ATP1B4: variants seen among roughly 807,000 people sequenced by gnomAD.
ATP1B4 encodes the protein ATPase Na+/K+ transporting family member beta 4, also known as protein ATP1B4.
Under a neutral mutation model 29.6 loss-of-function variants are expected in ATP1B4, and 32 were observed. The observed-to-expected ratio is 1.08, with a 90% CI of 0.82 to 1.45. The LOEUF (loss-of-function observed/expected upper bound fraction) is 1.45. Among genes scored for constraint, ATP1B4 ranks in the 40% most tolerant of loss-of-function variants. The pLI, the probability that ATP1B4 is intolerant of heterozygous loss-of-function variation, is 0.00. For synonymous variants in ATP1B4, 127 were observed against 102.1 expected, an observed-to-expected ratio of 1.24 and a Z score of -1.47; for missense variants, 323 against 276.2, an observed-to-expected ratio of 1.17 and a Z score of -1.20.
chrX:120,376,463 G>T, intron 6 of ATP1B4, 27 bp downstream of exon 6: 1 of 1,164,688 alleles, frequency 8.6e-7, no homozygotes. Context: ...AGTAAGCATT[G>T]TTAGCACATC....
Position 120,375,542 on chromosome X carries a change from C to A in ATP1B4, c.733C>A (p.Pro245Thr). The change falls in exon 5 of 8, where the codon CCC becomes ACC. Residue 245 changes from proline (P) to threonine (T), a missense_variant. Physicochemically the swap from Pro to Thr is conservative, Grantham distance 38. Coordinates refer to ENST00000218008, the MANE Select transcript of ATP1B4 (RefSeq NM_001142447.3). ...AACTTTTGGATACTCTACTGGACAGCCCTGCATCCTTCTAAAGATGAACCG... is the reference window on the plus strand; with the variant it reads ...AACTTTTGGATACTCTACTGGACAGACCTGCATCCTTCTAAAGATGAACCG... ...DPTFGYSTGQ[P>T]CILLKMNRIV... The A allele has an allele frequency of 1.7e-6, 2 of 1,206,149 alleles. No individual in the cohort carries two copies. The highest frequency in any genetic ancestry group is 2.2e-6 in the Non-Finnish European group (2 of 893,589).
intron 7 of ATP1B4, among the ~76,000 whole-genome samples, chrX:120,379,109 T>C (rs1256771783): frequency 9.0e-6 from 1 of 111,370 alleles, no homozygotes; most frequent in Non-Finnish European, 1.9e-5. Flanking sequence ...CATGCCCTAA[T>C]AATCACGCTT....
At position 120,382,685 on chromosome X, in the gene ATP1B4, A is replaced by G. The variant is rs1050136832; in HGVS notation, c.*3051A>G. On this transcript the variant is annotated 3_prime_UTR_variant, in exon 8 of 8. Transcript: ENST00000218008. The stretch of plus-strand genomic sequence containing the variant: ...GTTAACATTTCACAGGAATTCAACT[A>G]CTGGTGCTATACTTTATACATAATA... 8.9e-5 allele frequency: 10 copies of G among 112,344 alleles called. No homozygotes were observed. The highest frequency in any genetic ancestry group is 3.2e-4 in the African/African-American group (10 of 30,964). 9.3% of individuals were successfully genotyped at this position (112,344 alleles called of 1,213,427 possible). A position where few individuals can be genotyped will look rare whatever the true frequency, so the allele number is the denominator to read the frequency against.
intron 4 of ATP1B4, among the ~76,000 whole-genome samples, chrX:120,372,548 T>G (rs1020714144): frequency 1.8e-5 from 2 of 111,973 alleles, no homozygotes; most frequent in African/African-American, 3.2e-5. Flanking sequence ...TCTTGTTCTT[T>G]ACACTCTCGC....
intron 7 of ATP1B4, 101 bp downstream of exon 7, chrX:120,378,874 G>A (rs959952021): frequency 1.4e-6 from 1 of 708,243 alleles, no homozygotes; most frequent in Non-Finnish European, 2.2e-6. Context: ...AGATAGTAGA[G>A]GGGTAAATAG....
chrX:120,376,796 C>T (rs1265291438), intron 6 of ATP1B4, among the ~76,000 whole-genome samples: 1 of 112,484 alleles, frequency 8.9e-6, no homozygotes, highest in Non-Finnish European at 1.9e-5. Context: ...TTACTTGTTT[C>T]TTTGAACTAA....
rs192460106 is a variant in ATP1B4, at chrX:120,377,643, C to A, written c.817-1035C>A. On this transcript the variant is annotated intron_variant, in intron 6 of 7. Transcript: ENST00000218008. ...TGTTTGTTTTTCAGCTTACATCAAACCTTGCTAAGAACTGTCCTTTCTAAA... is the reference window on the plus strand; with the variant it reads ...TGTTTGTTTTTCAGCTTACATCAAAACTTGCTAAGAACTGTCCTTTCTAAA... Among the ~76,000 whole-genome samples, 60 of 112,202 alleles carry A rather than the reference C, an allele frequency of 5.3e-4. 1 individual carries two copies. The highest frequency in any genetic ancestry group is 1.9e-3 in the African/African-American group (59 of 30,948).
Position 120,366,737 on chromosome X carries a change from C to A in ATP1B4, c.276C>A (p.Tyr92Ter). The A allele has an allele frequency of 8.3e-7, 1 of 1,211,591 alleles. No individual in the cohort carries two copies. The highest frequency in any genetic ancestry group is 1.1e-6 in the Non-Finnish European group (1 of 895,421). ...WWQKLQIMSE[Y>*]LWDPERRMFL... Reference sequence around the variant, plus strand: ...AGAAATTGCAGATCATGAGTGAATACCTGTGGGATCCAGAGAGAAGGATGT... The same window carrying A: ...AGAAATTGCAGATCATGAGTGAATAACTGTGGGATCCAGAGAGAAGGATGT... Residue 92 changes from tyrosine (Y) to a stop codon, truncating the protein, a stop_gained, in exon 2 of 8, where the codon TAC (tyrosine) becomes TAA (stop). Coordinates refer to ENST00000218008, the MANE Select transcript of ATP1B4 (RefSeq NM_001142447.3). LOFTEE classifies it high-confidence loss of function.
At chrX:120,369,953 C>A (rs2058304978) in intron 2 of ATP1B4, among the ~76,000 whole-genome samples, 1 of 111,542 alleles carries the variant, frequency 9.0e-6, no homozygotes, top group South Asian at 3.8e-4. Flanking sequence ...TAAGGAAAGA[C>A]TGAATTTCAG....
chrX:120,369,106 A>G (rs933839505), intron 2 of ATP1B4, among the ~76,000 whole-genome samples: 5 of 112,351 alleles, frequency 4.5e-5, no homozygotes, highest in African/African-American at 1.3e-4. Context: ...CCTATGTTCC[A>G]TTGCTTTCCC....
chrX:120,364,021 AACCTCTCACAGCCTCTC>A (rs1434893589), intron 1 of ATP1B4, among the ~76,000 whole-genome samples: 2 of 111,015 alleles, frequency 1.8e-5, no homozygotes, highest in African/African-American at 6.6e-5. Context: ...AAAGCTCAGG[AACCTCTCACAGCCTCTC>A]GGGTGTGAGA....
At chrX:120,375,898 T>C (rs994497537) in intron 5 of ATP1B4, among the ~76,000 whole-genome samples, 2 of 110,385 alleles carry the variant, frequency 1.8e-5, no homozygotes, top group African/African-American at 6.6e-5. Flanking sequence ...AGCTTAGGAG[T>C]TCAAGTTTAA....
rs1246628088 is a variant in ATP1B4 at position 120,381,464 on chromosome X, T to TTTATTTGTTATTA, written c.*1832_*1833insATTTGTTATTATT. The stretch of plus-strand genomic sequence containing the variant: ...TTTACTTTATTATTTATTTGTTTAT[T>TTTATTTGTTATTA]TTTGAGATGGAGTTTCGCTGTTGTC... On this transcript the variant is annotated 3_prime_UTR_variant, in exon 8 of 8. Transcript: ENST00000218008. 1 of 112,201 alleles carries TTTATTTGTTATTA rather than the reference T, an allele frequency of 8.9e-6. No individual in the cohort carries two copies. The highest frequency in any genetic ancestry group is 1.9e-5 in the Non-Finnish European group (1 of 53,267). 9.2% of individuals were successfully genotyped at this position (112,201 alleles called of 1,213,427 possible). A position where few individuals can be genotyped will look rare whatever the true frequency, so the allele number is the denominator to read the frequency against.
chrX:120,369,091 A>G (rs1344681296), intron 2 of ATP1B4, among the ~76,000 whole-genome samples: 1 of 112,311 alleles, frequency 8.9e-6, no homozygotes, highest in African/African-American at 3.2e-5. Context: ...CTCCAAAGGA[A>G]TGTACCTATG....
chrX:120,376,877 C>T (rs2147256978), intron 6 of ATP1B4, among the ~76,000 whole-genome samples: 1 of 112,466 alleles, frequency 8.9e-6, no homozygotes, highest in South Asian at 3.7e-4. Context: ...CAGCAATGAC[C>T]AGTGGTACTG....
At chrX:120,374,744 AGG>A (rs2058338202) in intron 4 of ATP1B4, among the ~76,000 whole-genome samples, 1 of 47,028 alleles carries the variant, frequency 2.1e-5, no homozygotes, top group Non-Finnish European at 3.6e-5. Flanking sequence ...ATTATATATA[AGG>A]GTGTATATAT....
intron 2 of ATP1B4, 125 bp from the exon 3 acceptor site, chrX:120,370,590 A>G: frequency 1.2e-6 from 1 of 859,766 alleles, no homozygotes; most frequent in East Asian, 3.2e-5. Flanking sequence ...GCAAGGACAT[A>G]CTGAATCTGA....
chrX:120,367,105 G>A (rs1362067537), intron 2 of ATP1B4, among the ~76,000 whole-genome samples: 1 of 112,028 alleles, frequency 8.9e-6, no homozygotes, highest in Non-Finnish European at 1.9e-5. Context: ...TTCTATCCAC[G>A]TGACCGTGGA....
At chrX:120,378,909 C>T (rs2231244) in intron 7 of ATP1B4, 136 bp downstream of exon 7, 27,509 of 497,897 alleles carry the variant, frequency 0.055, 958 homozygotes, top group South Asian at 0.26. Context: ...CAGGAGCTCC[C>T]TTTACCAATT....
Sources: allele counts gnomAD v4.1 joint callset (sites outside exome capture counted in the v4.1 genomes callset), GRCh38; gene constraint gnomAD v4.1.1; transcripts MANE v1.5; gene names NCBI Gene and HGNC (gene_info 2026-07-23, HGNC 2026-07-21).